Variants in STXBP5L observed in about 807,000 individuals in gnomAD.
STXBP5L encodes syntaxin binding protein 5L.
Under a neutral mutation model 144.5 loss-of-function variants are expected in STXBP5L, and 65 were observed. The ratio of observed to expected loss-of-function variants is 0.45; its 90% CI spans 0.37 to 0.55. The LOEUF (loss-of-function observed/expected upper bound fraction) is 0.55. Ranked by LOEUF, STXBP5L falls within the 20% of genes least tolerant of loss-of-function variation. The pLI, the probability that STXBP5L is intolerant of heterozygous loss-of-function variation, is 0.00. For synonymous variants in STXBP5L, 505 were observed against 469.6 expected, an observed-to-expected ratio of 1.08 and a Z score of -0.97; for missense variants, 1,298 against 1,405.5, an observed-to-expected ratio of 0.92 and a Z score of 1.22.
chr3:121,356,614 G>A (rs1231405812), intron 20 of STXBP5L, among the ~76,000 whole-genome samples: 2 of 152,292 alleles, frequency 1.3e-5, no homozygotes, highest in East Asian at 3.9e-4. Context: ...CCCTTTGCTA[G>A]GAAAGGGAAA....
chr3:121,335,828 C>T (rs1483526673), intron 20 of STXBP5L, among the ~76,000 whole-genome samples: 1 of 152,118 alleles, frequency 6.6e-6, no homozygotes, highest in Non-Finnish European at 1.5e-5. Context: ...GGAAGTCAAG[C>T]TGGGCAGTAT....
chr3:121,296,978 TA>T (rs2051677730), intron 19 of STXBP5L, among the ~76,000 whole-genome samples: 1 of 152,136 alleles, frequency 6.6e-6, no homozygotes. Context: ...TAAGATGAAT[TA>T]AAACTATCTG....
chr3:120,937,808 A>G (rs954459447), intron 2 of STXBP5L, among the ~76,000 whole-genome samples: 1 of 152,210 alleles, frequency 6.6e-6, no homozygotes, highest in African/African-American at 2.4e-5. Context: ...CAAGGGTCTC[A>G]GTATCATAAT....
intron 9 of STXBP5L, among the ~76,000 whole-genome samples, chr3:121,196,205 G>A (rs1559852247): frequency 6.6e-6 from 1 of 151,488 alleles, no homozygotes; most frequent in Non-Finnish European, 1.5e-5. Context: ...TCTCACCCAG[G>A]CTGGAGTGCA....
At chr3:121,126,166 T>C (rs954280703) in intron 7 of STXBP5L, among the ~76,000 whole-genome samples, 2 of 152,170 alleles carry the variant, frequency 1.3e-5, no homozygotes, top group Non-Finnish European at 2.9e-5. Context: ...AGATAACAGT[T>C]ACTACAATTA....
intron 19 of STXBP5L, among the ~76,000 whole-genome samples, chr3:121,317,607 T>C (rs1426107614): frequency 6.6e-6 from 1 of 152,148 alleles, no homozygotes; most frequent in Non-Finnish European, 1.5e-5. Context: ...AAATTATGAA[T>C]ATTTATTTCA....
chr3:121,394,771 A>AT (rs1394267316), intron 22 of STXBP5L, among the ~76,000 whole-genome samples: 1 of 151,688 alleles, frequency 6.6e-6, no homozygotes, highest in Non-Finnish European at 1.5e-5. Flanking sequence ...CGCCTGGCTA[A>AT]TTTTTTGCAT....
chr3:121,021,950 A>C (rs1257778488), intron 3 of STXBP5L, among the ~76,000 whole-genome samples: 1 of 152,156 alleles, frequency 6.6e-6, no homozygotes, highest in Non-Finnish European at 1.5e-5. Context: ...TTGAAACTAA[A>C]AAATATACAA....
intron 9 of STXBP5L, among the ~76,000 whole-genome samples, chr3:121,187,504 C>T (rs1033933828): frequency 6.6e-6 from 1 of 150,596 alleles, no homozygotes; most frequent in African/African-American, 2.4e-5. Flanking sequence ...CACATGTATA[C>T]ATATGTAACA....
At chr3:121,005,802 G>A (rs545703760) in intron 3 of STXBP5L, among the ~76,000 whole-genome samples, 108 of 152,060 alleles carry the variant, frequency 7.1e-4, no homozygotes, top group African/African-American at 2.5e-3. Context: ...CCTTCTTTTC[G>A]TCATGTACCC....
At chr3:121,382,035 G>C (rs892052254) in intron 22 of STXBP5L, among the ~76,000 whole-genome samples, 3 of 151,898 alleles carry the variant, frequency 2.0e-5, no homozygotes, top group Non-Finnish European at 4.4e-5. Flanking sequence ...CTAGTGCCTA[G>C]AGAATTTGAC....
At chr3:121,118,690 T>C (rs2044332698) in intron 6 of STXBP5L, among the ~76,000 whole-genome samples, 1 of 151,594 alleles carries the variant, frequency 6.6e-6, no homozygotes, top group Non-Finnish European at 1.5e-5. Context: ...AAGACTGTGT[T>C]CTTGGTAAAA....
At chr3:121,240,337 T>G (rs2108334422) in intron 13 of STXBP5L, 103 bp from the exon 14 acceptor site, 5 of 1,074,992 alleles carry the variant, frequency 4.7e-6, no homozygotes. Context: ...TTACACTTAT[T>G]TTTCTTTAAG....
chr3:121,047,397 G>A (rs1380514927), intron 5 of STXBP5L, among the ~76,000 whole-genome samples: 1 of 152,078 alleles, frequency 6.6e-6, no homozygotes, highest in Non-Finnish European at 1.5e-5. Flanking sequence ...TTTAGATCCT[G>A]AAAATCTTTG....
intron 11 of STXBP5L, among the ~76,000 whole-genome samples, chr3:121,230,271 A>T (rs142085996): frequency 4.9e-4 from 74 of 152,326 alleles, no homozygotes; most frequent in African/African-American, 1.8e-3. Context: ...CAGAGGACAC[A>T]GGCATTCCCA....
chr3:121,140,428 T>C (rs189987288), intron 7 of STXBP5L, among the ~76,000 whole-genome samples: 2 of 152,292 alleles, frequency 1.3e-5, no homozygotes, highest in East Asian at 1.9e-4. Context: ...CCAAGAGATA[T>C]CTGCATTCCC....
At chr3:120,974,320 T>C (rs1252062252) in intron 3 of STXBP5L, among the ~76,000 whole-genome samples, 1 of 152,132 alleles carries the variant, frequency 6.6e-6, no homozygotes, top group Non-Finnish European at 1.5e-5. Flanking sequence ...TCATGTGTCT[T>C]TTGGCTGCAT....
chr3:121,206,580 C>A (rs967543082), intron 10 of STXBP5L, among the ~76,000 whole-genome samples: 3 of 152,184 alleles, frequency 2.0e-5, no homozygotes, highest in East Asian at 1.9e-4. Context: ...GAGGCTAAGG[C>A]GGGTGGATCA....
chr3:120,999,656 T>C (rs1943617391), intron 3 of STXBP5L, among the ~76,000 whole-genome samples: 1 of 152,186 alleles, frequency 6.6e-6, no homozygotes, highest in South Asian at 2.1e-4. Context: ...TATTGTGTAG[T>C]TGCTTTATAG....
Sources: gnomAD v4.1 joint callset for allele counts (sites outside exome capture counted in the v4.1 genomes callset) on GRCh38, gnomAD v4.1.1 for gene constraint, MANE v1.5 for transcripts, NCBI Gene and HGNC (gene_info 2026-07-23, HGNC 2026-07-21) for gene names.